The following CDC14B variants were observed in gnomAD, a reference collection of about 807,000 sequenced individuals.
CDC14B encodes the protein cell division cycle 14B.
CDC14B carries 22 observed loss-of-function variants against 64.2 expected under a neutral mutation model. That is an observed-to-expected ratio of 0.34 (90% CI 0.24 to 0.49). The LOEUF (loss-of-function observed/expected upper bound fraction) is 0.49, where lower values mean the gene tolerates loss of function less well. Among genes scored for constraint, CDC14B ranks in the 20% least tolerant of loss-of-function variants. The pLI is 0.99. For synonymous variants in CDC14B, 191 were observed against 215.8 expected, an observed-to-expected ratio of 0.89 and a Z score of 1.01; for missense variants, 498 against 629.9, an observed-to-expected ratio of 0.79 and a Z score of 2.24.
exon 14 of CDC14B, chr9:96,491,819 A>T (rs995932317): frequency 2.0e-5 from 3 of 152,220 alleles, no homozygotes; most frequent in African/African-American, 7.2e-5. Context: ...AGTTTTGGGG[A>T]ACCCGGTGCA....
intron 1 of CDC14B, among the ~76,000 whole-genome samples, chr9:96,570,374 T>C (rs1399431036): frequency 6.6e-6 from 1 of 152,232 alleles, no homozygotes; most frequent in African/African-American, 2.4e-5. Flanking sequence ...AGAGACACTT[T>C]GTATTTCCCC....
intron 4 of CDC14B, among the ~76,000 whole-genome samples, chr9:96,553,310 C>G (rs535598577): frequency 6.6e-6 from 1 of 151,908 alleles, no homozygotes; most frequent in South Asian, 2.1e-4. Flanking sequence ...GACTCATAAA[C>G]GGAAAATTTT....
At chr9:96,595,870 A>C (rs534193903) in intron 1 of CDC14B, among the ~76,000 whole-genome samples, 1 of 152,194 alleles carries the variant, frequency 6.6e-6, no homozygotes, top group African/African-American at 2.4e-5. Context: ...AAAATATATT[A>C]AAATCAGATC....
chr9:96,492,892 C>T (rs1046913197), exon 14 of CDC14B: 2 of 152,350 alleles, frequency 1.3e-5, no homozygotes, highest in East Asian at 1.9e-4. Flanking sequence ...GGAATGCCTC[C>T]GAAGTCAGAG....
chr9:96,507,698 G>C (rs1587730101), intron 13 of CDC14B, among the ~76,000 whole-genome samples: 1 of 152,212 alleles, frequency 6.6e-6, no homozygotes, highest in Middle Eastern at 3.4e-3. Context: ...ACAGGCGTGA[G>C]CCACCGCGCC....
chr9:96,562,495 AG>A (rs1354766724), intron 4 of CDC14B, 197 bp downstream of exon 4: 2 of 511,180 alleles, frequency 3.9e-6, no homozygotes, highest in Non-Finnish European at 7.1e-6. Context: ...ATTAAGTGGA[AG>A]GTACAGGAGA....
chr9:96,522,895 G>A (rs1836963193), intron 11 of CDC14B, among the ~76,000 whole-genome samples: 2 of 152,124 alleles, frequency 1.3e-5, no homozygotes, highest in Non-Finnish European at 1.5e-5. Flanking sequence ...ACCACTTAAT[G>A]TAGTAGTACT....
At chr9:96,595,815 A>G (rs570249302) in intron 1 of CDC14B, among the ~76,000 whole-genome samples, 1 of 152,280 alleles carries the variant, frequency 6.6e-6, no homozygotes, top group Non-Finnish European at 1.5e-5. Flanking sequence ...GGTGAGGGGA[A>G]GGGAATAGCT....
At chr9:96,603,630 G>A (rs924641074) in intron 1 of CDC14B, among the ~76,000 whole-genome samples, 4 of 152,282 alleles carry the variant, frequency 2.6e-5, no homozygotes, top group Non-Finnish European at 2.9e-5. Flanking sequence ...AGCTTCCAAC[G>A]TCAAGGCTTT....
chr9:96,528,223 T>C (rs1837877472), intron 9 of CDC14B, among the ~76,000 whole-genome samples: 1 of 152,174 alleles, frequency 6.6e-6, no homozygotes, highest in Admixed American at 6.5e-5. Flanking sequence ...CTTTTGGCTA[T>C]TCAGAGTAAT....
At chr9:96,611,690 C>G (rs1159299785) in intron 1 of CDC14B, among the ~76,000 whole-genome samples, 1 of 152,138 alleles carries the variant, frequency 6.6e-6, no homozygotes, top group East Asian at 1.9e-4. Flanking sequence ...ACTTGTCTCT[C>G]TGCTACACAT....
intron 1 of CDC14B, among the ~76,000 whole-genome samples, chr9:96,589,292 T>C (rs1277436764): frequency 2.6e-5 from 4 of 151,478 alleles, no homozygotes; most frequent in African/African-American, 7.3e-5. Flanking sequence ...TGAGCTGAGA[T>C]TGCGCCATTG....
chr9:96,543,357 C>G (rs1840360175), intron 5 of CDC14B, among the ~76,000 whole-genome samples: 1 of 151,884 alleles, frequency 6.6e-6, no homozygotes, highest in East Asian at 1.9e-4. Flanking sequence ...AAAAAAACTT[C>G]TAGCCTCAAG....
chr9:96,554,941 G>A lies in CDC14B; in HGVS notation c.421-3069C>T, dbSNP rs144988960. Among the ~76,000 whole-genome samples, 4 of 152,226 alleles carry A rather than the reference G, an allele frequency of 2.6e-5. No homozygotes were observed. The East Asian group carries it at 5.8e-4, about 22-fold the overall frequency. Reference sequence around the variant, plus strand: ...TTGATGCAACTTATGATCTATCACCGTGCTTCTGGCAGTCTGGACACTTGG... The same window carrying A: ...TTGATGCAACTTATGATCTATCACCATGCTTCTGGCAGTCTGGACACTTGG... On this transcript the variant is annotated intron_variant, in intron 4 of 13. Coordinates refer to ENST00000375241, the MANE Select transcript of CDC14B (RefSeq NM_033331.4).
intron 3 of CDC14B, among the ~76,000 whole-genome samples, chr9:96,563,833 A>C (rs1564347880): frequency 6.6e-6 from 1 of 152,138 alleles, no homozygotes; most frequent in Non-Finnish European, 1.5e-5. Flanking sequence ...GTCCTGCATG[A>C]AACAAAAGAT....
chr9:96,495,187 C>CT (rs1175548400), downstream of CDC14B, among the ~76,000 whole-genome samples: 1 of 152,134 alleles, frequency 6.6e-6, no homozygotes, highest in East Asian at 1.9e-4. Flanking sequence ...AATTACATAA[C>CT]TTTGGGAGCT....
intron 7 of CDC14B, among the ~76,000 whole-genome samples, chr9:96,538,103 G>A (rs1587870027): frequency 6.6e-6 from 1 of 152,098 alleles, no homozygotes; most frequent in East Asian, 1.9e-4. Context: ...GAAGGTTATG[G>A]CAAAAACAAA....
intron 5 of CDC14B, among the ~76,000 whole-genome samples, chr9:96,549,888 T>C (rs1841552376): frequency 1.3e-5 from 2 of 152,242 alleles, no homozygotes; most frequent in Non-Finnish European, 2.9e-5. Context: ...TATTCTGTTT[T>C]TGGCACCTGT....
At chr9:96,578,620 C>T (rs1025567301) in intron 1 of CDC14B, among the ~76,000 whole-genome samples, 3 of 152,150 alleles carry the variant, frequency 2.0e-5, no homozygotes, top group African/African-American at 2.4e-5. Flanking sequence ...TACAAAATAG[C>T]TGACCCATTC....
Sources: gnomAD v4.1 joint callset for allele counts (sites outside exome capture counted in the v4.1 genomes callset) on GRCh38, gnomAD v4.1.1 for gene constraint, MANE v1.5 for transcripts, NCBI Gene and HGNC (gene_info 2026-07-23, HGNC 2026-07-21) for gene names.